The following UNC5C variants were observed in gnomAD, a reference collection of about 807,000 sequenced individuals.
UNC5C encodes the protein unc-5 netrin receptor C.
A neutral mutation model predicts 99.8 loss-of-function variants in UNC5C; 47 were observed. The observed-to-expected ratio is 0.47, with a 90% CI of 0.37 to 0.60. The LOEUF (loss-of-function observed/expected upper bound fraction) is 0.60, where lower values mean the gene tolerates loss of function less well. Among genes scored for constraint, UNC5C ranks in the 20% least tolerant of loss-of-function variants. The pLI is 0.00. For synonymous variants in UNC5C, 487 were observed against 452.2 expected, an observed-to-expected ratio of 1.08 and a Z score of -0.98; for missense variants, 1,062 against 1,165.9, an observed-to-expected ratio of 0.91 and a Z score of 1.30.
chr4:95,345,492 T>A (rs574248818), intron 1 of UNC5C, among the ~76,000 whole-genome samples: 1 of 152,104 alleles, frequency 6.6e-6, no homozygotes, highest in South Asian at 2.1e-4. Flanking sequence ...TAATCTAAAC[T>A]ATGGACCAAA....
chr4:95,223,724 A>G (rs1056321450), intron 7 of UNC5C, among the ~76,000 whole-genome samples: 4 of 152,150 alleles, frequency 2.6e-5, no homozygotes, highest in African/African-American at 9.7e-5. Flanking sequence ...CTGCCTGGTA[A>G]TAAAATTTTT....
Position 95,278,291 on chromosome 4 carries a change from A to G in UNC5C, c.562T>C (p.Cys188Arg). The part of the protein sequence containing the change: ...VSLEQEVLLQ[C>R]RPPEGIPVAE... ...ACTGGGATCCCTTCAGGTGGTCGACACTGGAGTAAGACTTCCTGTTCCAAA... is the reference window on the plus strand; with the variant it reads ...ACTGGGATCCCTTCAGGTGGTCGACGCTGGAGTAAGACTTCCTGTTCCAAA... Residue 188 changes from cysteine (C) to arginine (R), a missense_variant, in exon 4 of 16, where the codon TGT becomes CGT. Physicochemically the swap from Cys to Arg is radical, Grantham distance 180 (BLOSUM62 -3). Transcript: ENST00000453304. 1 of 1,614,142 alleles carries G rather than the reference A, an allele frequency of 6.2e-7. No individual in the cohort carries two copies. The highest frequency in any genetic ancestry group is 8.5e-7 in the Non-Finnish European group (1 of 1,180,008).
rs1313875409 is a variant in UNC5C at position 95,183,043 on chromosome 4, C to T, written c.2305G>A (p.Val769Ile). The change falls in exon 14 of 16, where the codon GTT (valine) becomes ATT (isoleucine). Residue 769 changes from valine (V) to isoleucine (I), a missense_variant. Val to Ile is a conservative substitution (Grantham distance 29, BLOSUM62 3). This residue lies in a region of UNC5C where 810 missense variants were observed against 854.5 expected (regional missense o/e 0.95). Transcript: ENST00000453304. ...AKYQEIPFYHVWSGSQRNLHC... is the reference protein window; with the variant it reads ...AKYQEIPFYHIWSGSQRNLHC... ...AGGTTTCTTTGAGATCCACTCCAAA[C>T]ATGGTAAAATGGAATTTCCTAAAGG... The T allele has an allele frequency of 3.1e-6, 5 of 1,607,822 alleles. No homozygotes were observed. The Admixed American group carries it at 8.4e-5, about 27-fold the overall frequency.
At chr4:95,172,929 G>C (rs947130200) in intron 14 of UNC5C, among the ~76,000 whole-genome samples, 2 of 152,102 alleles carry the variant, frequency 1.3e-5, no homozygotes, top group African/African-American at 4.8e-5. Flanking sequence ...GCAGTGGTTT[G>C]TAGTTCTCCT....
At chr4:95,190,631 T>C (rs1301310082) in intron 12 of UNC5C, among the ~76,000 whole-genome samples, 1 of 152,124 alleles carries the variant, frequency 6.6e-6, no homozygotes, top group Non-Finnish European at 1.5e-5. Flanking sequence ...CTTGTACAGT[T>C]CTATCTGCAC....
chr4:95,200,399 C>A (rs571057633), intron 12 of UNC5C, among the ~76,000 whole-genome samples: 37 of 152,312 alleles, frequency 2.4e-4, no homozygotes, highest in African/African-American at 6.7e-4. Context: ...GGTCTTCAAG[C>A]AACTTTGCTT....
intron 1 of UNC5C, among the ~76,000 whole-genome samples, chr4:95,472,885 C>T (rs1748016859): frequency 1.3e-5 from 2 of 150,236 alleles, no homozygotes; most frequent in Admixed American, 1.3e-4. Context: ...GATATTTGGC[C>T]CGTTCTATTG....
At position 95,234,545 on chromosome 4, in the gene UNC5C, C is replaced by T. The variant is rs113958707; in HGVS notation, c.1108+7884G>A. ...ATGTCATTTAGTGTACCACAGAACT[C>T]CACTTTTTAAAATGTAGTTTTGAAA... On this transcript the variant is annotated intron_variant, in intron 7 of 15. Coordinates refer to ENST00000453304, the MANE Select transcript of UNC5C (RefSeq NM_003728.4). Among the ~76,000 whole-genome samples the T allele has an allele frequency of 1.8e-3, 273 of 152,238 alleles. 1 individual carries two copies. The highest frequency in any genetic ancestry group is 6.2e-3 in the African/African-American group (257 of 41,544).
In UNC5C at chr4:95,185,196, C is replaced by T; in HGVS notation, c.2137G>A (p.Glu713Lys). ...ATCTGTCTCTCAAGATGTAAAATTT[C>T]CTATAATGACATGCCCCAAACCCAA... is the stretch of plus-strand genomic sequence containing the variant. Reference protein sequence around the residue: ...CLDDTQDALKEILHLERQMGG... With the variant: ...CLDDTQDALKKILHLERQMGG... Residue 713 changes from glutamate (E) to lysine (K), a missense_variant and splice_region_variant, in exon 13 of 16, where the codon GAA (glutamate) becomes AAA (lysine). This residue lies in a region of UNC5C where 810 missense variants were observed against 854.5 expected (regional missense o/e 0.95). Transcript: ENST00000453304. 3.1e-6 allele frequency: 5 copies of T among 1,605,282 alleles called. No homozygotes were observed. The highest frequency in any genetic ancestry group is 4.2e-6 in the Non-Finnish European group (5 of 1,177,220).
At chr4:95,382,226 A>G (rs1398270262) in intron 1 of UNC5C, among the ~76,000 whole-genome samples, 2 of 152,138 alleles carry the variant, frequency 1.3e-5, no homozygotes, top group Non-Finnish European at 2.9e-5. Context: ...TAATCCCAAC[A>G]TTTTGGGAGG....
At chr4:95,408,034 T>G (rs1745876770) in intron 1 of UNC5C, among the ~76,000 whole-genome samples, 1 of 152,224 alleles carries the variant, frequency 6.6e-6, no homozygotes, top group African/African-American at 2.4e-5. Context: ...ATGTCATGTT[T>G]TACTATTATG....
intron 1 of UNC5C, among the ~76,000 whole-genome samples, chr4:95,412,538 T>C (rs1746027813): frequency 6.6e-6 from 1 of 152,152 alleles, no homozygotes; most frequent in African/African-American, 2.4e-5. Context: ...ACTCGATAGA[T>C]GTTTGTTGGA....
chr4:95,234,911 C>T (rs575199903), intron 7 of UNC5C, among the ~76,000 whole-genome samples: 4 of 152,112 alleles, frequency 2.6e-5, no homozygotes, highest in Non-Finnish European at 4.4e-5. Flanking sequence ...CACAATATCA[C>T]ATAATGAATC....
intron 1 of UNC5C, among the ~76,000 whole-genome samples, chr4:95,476,870 T>C (rs1451803009): frequency 1.3e-5 from 2 of 152,106 alleles, no homozygotes; most frequent in Non-Finnish European, 2.9e-5. Context: ...CAGTCACTCA[T>C]GATTTTTAGC....
intron 3 of UNC5C, among the ~76,000 whole-genome samples, chr4:95,286,782 G>T (rs945016685): frequency 1.3e-5 from 2 of 152,180 alleles, no homozygotes; most frequent in Non-Finnish European, 2.9e-5. Context: ...AGCTCCGGCT[G>T]CATGGTGCCA....
At position 95,335,454 on chromosome 4, in the gene UNC5C, T is replaced by A. The variant is rs770813909; in HGVS notation, c.302A>T (p.His101Leu). The A allele has an allele frequency of 6.2e-7, 1 of 1,612,416 alleles. No individual in the cohort carries two copies. The highest frequency in any genetic ancestry group is 1.1e-5 in the South Asian group (1 of 91,016). ...TTCATCTACTATGTGGTCCTTCTGA[T>A]GAACCCATTCACTATTACACTTGAA... is the stretch of plus-strand genomic sequence containing the variant. ...IYFKCNSEWV[H>L]QKDHIVDERV... Residue 101 changes from histidine to leucine, a missense_variant, in exon 2 of 16, where the codon CAT (histidine) becomes CTT (leucine). By Grantham distance (99) the His-to-Leu change is moderately conservative. This residue lies in a region of UNC5C where 249 missense variants were observed against 295.1 expected (regional missense o/e 0.84). Transcript: ENST00000453304.
rs546669532 is a variant in UNC5C, at chr4:95,335,400, G to C, written c.346+10C>G. The C allele has an allele frequency of 1.9e-6, 3 of 1,608,596 alleles. No homozygotes were observed. In the African/African-American group the frequency reaches 4.0e-5, roughly 21 times the overall value. The stretch of plus-strand genomic sequence containing the variant: ...CTTGAAGTGCAATGCAAATGCAATG[G>C]AAAACTCACCGGAAGTTTCATCTAC... On this transcript the variant is annotated intron_variant, in intron 2 of 15. Transcript: ENST00000453304.
chr4:95,403,609 G>A (rs1038529408), intron 1 of UNC5C, among the ~76,000 whole-genome samples: 1 of 152,168 alleles, frequency 6.6e-6, no homozygotes, highest in Non-Finnish European at 1.5e-5. Context: ...ATAAATAGAT[G>A]TTTTCCATAT....
chr4:95,384,584 G>A (rs1354235273), intron 1 of UNC5C, among the ~76,000 whole-genome samples: 1 of 151,252 alleles, frequency 6.6e-6, no homozygotes, highest in East Asian at 2.0e-4. Context: ...CTGGAGAGTG[G>A]GTAAGAACCT....
Sources: allele counts gnomAD v4.1 joint callset (sites outside exome capture counted in the v4.1 genomes callset), GRCh38; gene constraint gnomAD v4.1.1; regional missense constraint gnomAD v4.1.1; transcripts MANE v1.5; gene names NCBI Gene and HGNC (gene_info 2026-07-23, HGNC 2026-07-21).